The following EPHB1 variants were observed in gnomAD, a reference collection of about 807,000 sequenced individuals.
EPHB1 encodes the protein ephrin type-B receptor 1.
Under a neutral mutation model 94.4 loss-of-function variants are expected in EPHB1, and 30 were observed. That is an observed-to-expected ratio of 0.32 (90% CI 0.24 to 0.43). EPHB1 has a LOEUF of 0.43. EPHB1 is among the 20% of genes least tolerant of loss of function. The pLI is 1.00. For synonymous variants in EPHB1, 522 were observed against 489.1 expected (o/e 1.07, Z -0.89); for missense variants, 1,055 against 1,308.3 (o/e 0.81, Z 2.99).
At chr3:135,049,829 G>T (rs1576345612) in intron 3 of EPHB1, among the ~76,000 whole-genome samples, 2 of 152,316 alleles carry the variant, frequency 1.3e-5, no homozygotes. Context: ...TGTCCATGAG[G>T]AACGCACAGC....
intron 3 of EPHB1, among the ~76,000 whole-genome samples, chr3:134,957,374 T>C (rs1933316977): frequency 6.6e-6 from 1 of 151,998 alleles, no homozygotes; most frequent in East Asian, 1.9e-4. Flanking sequence ...GTTACTGGGA[T>C]TTGTAGACAG....
At chr3:134,996,329 G>A (rs886352408) in intron 3 of EPHB1, among the ~76,000 whole-genome samples, 8 of 152,068 alleles carry the variant, frequency 5.3e-5, no homozygotes, top group African/African-American at 1.9e-4. Flanking sequence ...AAGTAGCTGG[G>A]ACTGCAGGCA....
At chr3:134,983,496 C>T (rs925083499) in intron 3 of EPHB1, among the ~76,000 whole-genome samples, 21 of 152,194 alleles carry the variant, frequency 1.4e-4, no homozygotes, top group Admixed American at 1.4e-3. Flanking sequence ...ATCCGCTGGC[C>T]AGAGGATCTC....
intron 3 of EPHB1, among the ~76,000 whole-genome samples, chr3:135,016,938 C>T (rs1935817592): frequency 6.6e-6 from 1 of 152,146 alleles, no homozygotes; most frequent in African/African-American, 2.4e-5. Flanking sequence ...CTGTAGCTCA[C>T]CCCAAACAGC....
chr3:135,169,683 G>A (rs1490838804), intron 9 of EPHB1, among the ~76,000 whole-genome samples: 1 of 152,194 alleles, frequency 6.6e-6, no homozygotes, highest in Non-Finnish European at 1.5e-5. Flanking sequence ...AGGGGTAGAA[G>A]TAAGGGGTTA....
intron 5 of EPHB1, among the ~76,000 whole-genome samples, chr3:135,151,120 T>G (rs1451991733): frequency 6.6e-6 from 1 of 152,242 alleles, no homozygotes; most frequent in Non-Finnish European, 1.5e-5. Context: ...ACTACAGCAG[T>G]GCTGTGATTG....
chr3:135,234,058 T>A (rs1348576155), intron 12 of EPHB1, among the ~76,000 whole-genome samples: 2 of 152,232 alleles, frequency 1.3e-5, no homozygotes, highest in African/African-American at 4.8e-5. Context: ...CAGCTCCTTA[T>A]TAGTTATGAA....
At chr3:134,842,437 A>G (rs1036623166) in intron 1 of EPHB1, among the ~76,000 whole-genome samples, 2 of 152,324 alleles carry the variant, frequency 1.3e-5, no homozygotes, top group African/African-American at 2.4e-5. Flanking sequence ...CTGTTCATCC[A>G]GTACCTACTC....
chr3:134,925,950 A>G (rs2038783424), intron 2 of EPHB1, 70 bp downstream of exon 2: 1 of 1,371,270 alleles, frequency 7.3e-7, no homozygotes, highest in East Asian at 2.5e-5. Flanking sequence ...CTAGGGGAGT[A>G]GAGACTACCC....
intron 1 of EPHB1, among the ~76,000 whole-genome samples, chr3:134,842,194 T>C (rs2036789568): frequency 6.6e-6 from 1 of 152,218 alleles, no homozygotes; most frequent in Admixed American, 6.5e-5. Context: ...GAGAAGTTGC[T>C]GTCTATGAAT....
rs115276502 is a variant in EPHB1 at position 135,224,354 on chromosome 3, T to G, written c.2347-16794T>G. Among the ~76,000 whole-genome samples, 556 of 152,342 alleles carry G rather than the reference T, an allele frequency of 3.6e-3. 1 individual carries two copies. The highest frequency in any genetic ancestry group is 0.013 in the African/African-American group (528 of 41,578). On this transcript the variant is annotated intron_variant, in intron 12 of 15. Transcript: ENST00000398015. ...AATAAGACATTCCTCATTTGGCATA[T>G]TTTCTGATATTTCTCATAATTAGAT...
chr3:135,152,906 T>A (rs551783524), intron 5 of EPHB1, among the ~76,000 whole-genome samples: 1 of 152,276 alleles, frequency 6.6e-6, no homozygotes, highest in Admixed American at 6.5e-5. Flanking sequence ...AGGTCTCTAA[T>A]GGGAACAGGG....
intron 15 of EPHB1, among the ~76,000 whole-genome samples, chr3:135,257,389 G>A (rs1408985399): frequency 1.3e-5 from 2 of 151,570 alleles, no homozygotes; most frequent in Admixed American, 6.6e-5. Flanking sequence ...GTACAGATGG[G>A]TTTTTGGTGT....
rs377064799 is a variant in EPHB1, at chr3:135,054,040, T to TATATATAC, written c.806-52407_806-52406insTATATACA. On this transcript the variant is annotated intron_variant, in intron 3 of 15. Coordinates refer to ENST00000398015, the MANE Select transcript of EPHB1 (RefSeq NM_004441.5). ...GTGTGTCTGCATATATATATATATA[T>TATATATAC]ACACACACACACACACACACACACA... Among the ~76,000 whole-genome samples the TATATATAC allele has an allele frequency of 4.2e-3, 586 of 139,852 alleles. 4 individuals are homozygous for TATATATAC. Among genetic ancestry groups the TATATATAC allele is most frequent in the African/African-American group, 0.014 (501 of 36,462 alleles). The allele number at this position is 139,852 out of a possible 152,430, so 91.7% of individuals were successfully genotyped here. A position where few individuals can be genotyped will look rare whatever the true frequency, so the allele number is the denominator to read the frequency against.
chr3:134,898,981 C>T (rs1388066988), intron 1 of EPHB1, among the ~76,000 whole-genome samples: 1 of 152,136 alleles, frequency 6.6e-6, no homozygotes, highest in African/African-American at 2.4e-5. Flanking sequence ...GGGTGGAGGG[C>T]ACTGTCGGGG....
chr3:135,257,840 G>C (rs551696668), intron 15 of EPHB1, among the ~76,000 whole-genome samples: 1 of 152,244 alleles, frequency 6.6e-6, no homozygotes, highest in East Asian at 1.9e-4. Context: ...TTTGATCTCA[G>C]ACTGCTGTGC....
intron 1 of EPHB1, among the ~76,000 whole-genome samples, chr3:134,818,767 C>T (rs917013986): frequency 6.6e-6 from 1 of 152,174 alleles, no homozygotes; most frequent in Non-Finnish European, 1.5e-5. Context: ...TTTCTTTATC[C>T]ACTCCTTAAT....
At chr3:135,234,782 T>A (rs1943610276) in intron 12 of EPHB1, among the ~76,000 whole-genome samples, 1 of 152,148 alleles carries the variant, frequency 6.6e-6, no homozygotes, top group African/African-American at 2.4e-5. Context: ...AACCATCAGA[T>A]CTTGTGAGAA....
At chr3:135,025,234 A>ATTT in intron 3 of EPHB1, among the ~76,000 whole-genome samples, 1 of 92,362 alleles carries the variant, frequency 1.1e-5, no homozygotes, top group South Asian at 4.0e-4. Context: ...ATTATACTTT[A>ATTT]AGTTTTAGGG....
Sources: gnomAD v4.1 joint callset for allele counts (sites outside exome capture counted in the v4.1 genomes callset) on GRCh38, gnomAD v4.1.1 for gene constraint, MANE v1.5 for transcripts, NCBI Gene and HGNC (gene_info 2026-07-23, HGNC 2026-07-21) for gene names.